Variants in PCDHGB6 observed in about 807,000 individuals in gnomAD.
The protein encoded by PCDHGB6 is protocadherin gamma-B6.
PCDHGB6 carries 51 observed loss-of-function variants against 59.1 expected under a neutral mutation model. The observed-to-expected ratio is 0.86, with a 90% CI of 0.69 to 1.09. The LOEUF is 1.09. Among genes scored for constraint, PCDHGB6 ranks in the 50% least tolerant of loss-of-function variants. The probability of loss-of-function intolerance (pLI) is 0.00; values close to 1 mark genes in which losing one functional copy is unlikely to be tolerated. For synonymous variants in PCDHGB6, 466 were observed against 495.1 expected, an observed-to-expected ratio of 0.94 and a Z score of 0.78; for missense variants, 1,148 against 1,205.1, an observed-to-expected ratio of 0.95 and a Z score of 0.70.
intron 2 of PCDHGB6, among the ~76,000 whole-genome samples, chr5:141,502,358 TA>T (rs1283802909): frequency 6.6e-6 from 1 of 152,134 alleles, no homozygotes; most frequent in African/African-American, 2.4e-5. Context: ...ATGACATGGA[TA>T]TTTTTAAAGA....
rs752660538 is a variant in PCDHGB6 at position 141,486,495 on chromosome 5, T to C, written c.2419-8312T>C. 1 of 1,614,074 alleles carries C rather than the reference T, an allele frequency of 6.2e-7. No individual in the cohort carries two copies. The highest frequency in any genetic ancestry group is 8.5e-7 in the Non-Finnish European group (1 of 1,179,922). On this transcript the variant is annotated intron_variant, in intron 1 of 3. Transcript: ENST00000520790. The surrounding 1 kb of genome is among the most constrained non-coding windows in gnomAD (Gnocchi z 5.0). ...CCTCCTCTCAGTACCCACAGAACTA[T>C]TTTCCTCAATATTTCAGATGTGAAT...
intron 1 of PCDHGB6, chr5:141,417,739 C>T: frequency 6.4e-6 from 9 of 1,411,706 alleles, no homozygotes; most frequent in Non-Finnish European, 5.6e-6. Flanking sequence ...GCCCAGCACA[C>T]CAGATTGCCA....
chr5:141,461,961 T>C (rs914134151), intron 1 of PCDHGB6, among the ~76,000 whole-genome samples: 3 of 152,192 alleles, frequency 2.0e-5, no homozygotes, highest in African/African-American at 7.2e-5. Context: ...GTAGCTGGGA[T>C]TCCAGGCATA....
intron 1 of PCDHGB6, among the ~76,000 whole-genome samples, chr5:141,472,313 A>G (rs1411876003): frequency 6.7e-6 from 1 of 150,164 alleles, no homozygotes; most frequent in East Asian, 2.0e-4. Context: ...AAGCCGAGGC[A>G]GGCAGATCAC....
At chr5:141,467,906 A>T (rs917983299) in intron 1 of PCDHGB6, among the ~76,000 whole-genome samples, 5 of 152,002 alleles carry the variant, frequency 3.3e-5, no homozygotes, top group African/African-American at 9.7e-5. Flanking sequence ...AAATCCGCCC[A>T]CCTCAGCCTC....
At chr5:141,478,020 A>G (rs1315422039) in intron 1 of PCDHGB6, 2 of 1,613,976 alleles carry the variant, frequency 1.2e-6, no homozygotes, top group Non-Finnish European at 1.7e-6. Flanking sequence ...CGTCCAGTCC[A>G]AGACACAGAT....
chr5:141,494,752 T>C (rs889400984), intron 1 of PCDHGB6, 55 bp from the exon 2 acceptor site: 18 of 1,612,206 alleles, frequency 1.1e-5, no homozygotes, highest in Non-Finnish European at 1.5e-5. Context: ...GGGGCTCGGG[T>C]GACATTCTAA....
intron 2 of PCDHGB6, among the ~76,000 whole-genome samples, chr5:141,504,722 C>T (rs747319660): frequency 1.3e-5 from 2 of 151,828 alleles, no homozygotes; most frequent in Non-Finnish European, 2.9e-5. Context: ...GGATTTTACT[C>T]TGAGGGCTTA....
intron 1 of PCDHGB6, chr5:141,430,861 A>C: frequency 6.3e-7 from 1 of 1,592,834 alleles, no homozygotes; most frequent in Middle Eastern, 1.7e-4. Flanking sequence ...TACGCTATTC[A>C]GTTCCGGAAG....
chr5:141,409,867 C>A lies in PCDHGB6; in HGVS notation c.1665C>A (p.Arg555=), dbSNP rs376725837. The A allele has an allele frequency of 1.2e-4, 201 of 1,612,544 alleles. No individual in the cohort carries two copies. The highest frequency in any genetic ancestry group is 8.2e-4 in the Middle Eastern group (5 of 6,084). ...NVSLRVLVGD[R]NDNAPRVLYP... ...GCCTGCGCGTGTTGGTGGGAGACCG[C>A]AATGACAACGCACCGCGGGTGCTGT... The change falls in exon 1 of 4, where the codon CGC becomes CGA. Residue 555 remains arginine, a synonymous_variant. Transcript: ENST00000520790.
intron 1 of PCDHGB6, among the ~76,000 whole-genome samples, chr5:141,479,846 C>A (rs1350909064): frequency 1.3e-5 from 2 of 152,194 alleles, no homozygotes; most frequent in Admixed American, 6.5e-5. Context: ...TGCAAGGTGA[C>A]TGCAAGGCCT....
Position 141,431,021 on chromosome 5 carries a change from G to A in PCDHGB6, c.2418+20401G>A. On this transcript the variant is annotated intron_variant, in intron 1 of 3. Coordinates refer to ENST00000520790, the MANE Select transcript of PCDHGB6 (RefSeq NM_018926.3). This position sits in a 1 kb window ranked among gnomAD's most constrained non-coding sequence, Gnocchi z 4.8. ...GCGCAGCGGCAGCTTGGTCACGGCG[G>A]GCAGGATAGACCGGGAGGAGCTCTG... is the stretch of plus-strand genomic sequence containing the variant. 1 of 1,613,940 alleles carries A rather than the reference G, an allele frequency of 6.2e-7. No individual in the cohort carries two copies. Among genetic ancestry groups the A allele is most frequent in the Non-Finnish European group, 8.5e-7 (1 of 1,179,936 alleles).
chr5:141,413,836 G>A, intron 1 of PCDHGB6: 2 of 1,613,256 alleles, frequency 1.2e-6, no homozygotes, highest in Non-Finnish European at 1.7e-6. Context: ...CGCCTCCGAC[G>A]GGGGTGACCC....
intron 1 of PCDHGB6, among the ~76,000 whole-genome samples, chr5:141,434,345 G>C (rs1254991411): frequency 1.3e-5 from 2 of 152,144 alleles, no homozygotes; most frequent in African/African-American, 4.8e-5. Flanking sequence ...GTCGGGAACA[G>C]GCCCCCCAAA....
chr5:141,410,142 G>C lies in PCDHGB6; in HGVS notation c.1940G>C (p.Arg647Pro). ...CGCCAGCGCCTGCTGGTCGCTGTGC[G>C]TGACGGTGGACAGCCGCCACTCTCT... ...AARQRLLVAV[R>P]DGGQPPLSAT... The change falls in exon 1 of 4, where the codon CGT (arginine) becomes CCT (proline). Residue 647 changes from arginine to proline, a missense_variant. By Grantham distance (103) the Arg-to-Pro change is moderately radical (BLOSUM62 -2). Coordinates refer to ENST00000520790, the MANE Select transcript of PCDHGB6 (RefSeq NM_018926.3). The C allele has an allele frequency of 6.2e-7, 1 of 1,612,730 alleles. No individual in the cohort carries two copies. The highest frequency in any genetic ancestry group is 1.3e-5 in the African/African-American group (1 of 75,048).
At chr5:141,505,559 G>A (rs1215110084) in intron 3 of PCDHGB6, 78 bp downstream of exon 3, 27 of 1,604,592 alleles carry the variant, frequency 1.7e-5, no homozygotes, top group Non-Finnish European at 2.0e-5. Flanking sequence ...CCATGCCCAC[G>A]GACTGGATGT....
chr5:141,478,901 A>T (rs2099483520), intron 1 of PCDHGB6: 2 of 1,002,034 alleles, frequency 2.0e-6, no homozygotes, highest in African/African-American at 3.3e-5. Flanking sequence ...ATTAGGAATA[A>T]GCTGCTGGAT....
intron 1 of PCDHGB6, chr5:141,414,589 G>T: frequency 1.2e-6 from 2 of 1,613,834 alleles, no homozygotes; most frequent in African/African-American, 2.7e-5. Flanking sequence ...CAACGCCAGG[G>T]GTGCCTCCAT....
At chr5:141,461,966 G>A (rs2099027516) in intron 1 of PCDHGB6, among the ~76,000 whole-genome samples, 1 of 152,162 alleles carries the variant, frequency 6.6e-6, no homozygotes, top group African/African-American at 2.4e-5. Context: ...TGGGATTCCA[G>A]GCATATGCCA....
Sources: gnomAD v4.1 joint callset for allele counts (sites outside exome capture counted in the v4.1 genomes callset) on GRCh38, gnomAD v4.1.1 for gene constraint, Gnocchi (gnomAD v3.1) non-coding constraint, MANE v1.5 for transcripts, NCBI Gene and HGNC (gene_info 2026-07-23, HGNC 2026-07-21) for gene names.